The following SLC26A8 variants were observed in gnomAD, a reference collection of about 807,000 sequenced individuals.
SLC26A8 encodes testis anion transporter 1.
SLC26A8 carries 70 observed loss-of-function variants against 105.0 expected under a neutral mutation model. That is an observed-to-expected ratio of 0.67 (90% CI 0.55 to 0.81). The LOEUF (loss-of-function observed/expected upper bound fraction) is 0.81, where lower values mean the gene tolerates loss of function less well. Ranked by LOEUF, SLC26A8 falls within the 40% of genes least tolerant of loss-of-function variation. The pLI is 0.00. For missense variants in SLC26A8, 998 were observed against 1,181.8 expected, an observed-to-expected ratio of 0.84 and a Z score of 2.28; for synonymous variants, 415 against 438.3, an observed-to-expected ratio of 0.95 and a Z score of 0.66.
Position 35,959,771 on chromosome 6 carries a change from G to A in SLC26A8, c.1674C>T (p.Cys558=). 6.2e-7 allele frequency: 1 copy of A among 1,609,156 alleles called. No homozygotes were observed. The highest frequency in any genetic ancestry group is 8.5e-7 in the Non-Finnish European group (1 of 1,178,952). ...CATTTACAAATGTAATTGAGCTGCA[G>A]CACTGGAAGATTTTCACCCCAGGAA... The part of the protein sequence containing the change: ...ITIPGVKIFQ[C]CSSITFVNVY... The change falls in exon 15 of 20, where the codon TGC becomes TGT. Residue 558 remains cysteine (C), a synonymous_variant. Coordinates refer to ENST00000490799, the MANE Select transcript of SLC26A8 (RefSeq NM_052961.4).
rs139103524 is a variant in SLC26A8 at position 35,975,037 on chromosome 6, C to T, written c.1287+338G>A. Among the ~76,000 whole-genome samples, 462 of 152,030 alleles carry T rather than the reference C, an allele frequency of 3.0e-3. 2 individuals are homozygous for T. The highest frequency in any genetic ancestry group is 0.011 in the African/African-American group (436 of 41,460). ...CCTTCTAAAGTGTTGGTATTACAGG[C>T]GTGAGCCACCACACTTGGCCAGTTT... On this transcript the variant is annotated intron_variant, in intron 10 of 19. Coordinates refer to ENST00000490799, the MANE Select transcript of SLC26A8 (RefSeq NM_052961.4).
intron 19 of SLC26A8, among the ~76,000 whole-genome samples, chr6:35,946,338 G>A (rs1771656115): frequency 6.6e-6 from 1 of 152,180 alleles, no homozygotes; most frequent in Non-Finnish European, 1.5e-5. Flanking sequence ...CCAGGTTCAA[G>A]TGATTCTCCT....
rs1269322001 is a variant in SLC26A8 at position 35,955,256 on chromosome 6, T to C, written c.2128A>G (p.Ile710Val). The change falls in exon 17 of 20, where the codon ATC becomes GTC. Residue 710 changes from isoleucine to valine, a missense_variant. Transcript: ENST00000490799. ...VAESQGRRSL[I>V]PYSDASLLPS... The stretch of plus-strand genomic sequence containing the variant: ...AGTAGAGACGCATCTGAGTAAGGGA[T>C]GAGTGATCTCCTCCCCTGGCTTTCC... The C allele has an allele frequency of 6.2e-7, 1 of 1,614,174 alleles. No individual in the cohort carries two copies. Among genetic ancestry groups the C allele is most frequent in the Non-Finnish European group, 8.5e-7 (1 of 1,180,014 alleles).
intron 3 of SLC26A8, among the ~76,000 whole-genome samples, chr6:36,005,867 T>G (rs1217500050): frequency 6.6e-6 from 1 of 152,226 alleles, no homozygotes; most frequent in Non-Finnish European, 1.5e-5. Context: ...GATTTTGTAT[T>G]TTCTTCTTTA....
At chr6:35,964,258 A>G (rs550780684) in intron 11 of SLC26A8, among the ~76,000 whole-genome samples, 1 of 152,298 alleles carries the variant, frequency 6.6e-6, no homozygotes, top group South Asian at 2.1e-4. Flanking sequence ...TGGTTGTTGA[A>G]ATAGGGTGGT....
chr6:35,977,903 G>A (rs144345046), intron 8 of SLC26A8, among the ~76,000 whole-genome samples: 3,317 of 152,050 alleles, frequency 0.022, 132 homozygotes, highest in African/African-American at 0.076. Flanking sequence ...TGGCCAACAT[G>A]GTGAAACCTT....
At chr6:35,949,180 T>A (rs1771772995) in intron 19 of SLC26A8, among the ~76,000 whole-genome samples, 1 of 152,190 alleles carries the variant, frequency 6.6e-6, no homozygotes, top group Admixed American at 6.5e-5. Flanking sequence ...ATGCCTGTAA[T>A]CCCAGCACTT....
intron 7 of SLC26A8, among the ~76,000 whole-genome samples, chr6:35,987,232 A>G (rs1773557165): frequency 6.6e-6 from 1 of 152,230 alleles, no homozygotes; most frequent in Non-Finnish European, 1.5e-5. Flanking sequence ...GTGGCAATGT[A>G]CAAGCCATGA....
intron 2 of SLC26A8, among the ~76,000 whole-genome samples, chr6:36,017,712 C>T (rs974970072): frequency 6.6e-6 from 1 of 152,168 alleles, no homozygotes; most frequent in Non-Finnish European, 1.5e-5. Flanking sequence ...AGTGAAAAGA[C>T]AACCTGCAGA....
chr6:36,017,220 A>AAGAAG (rs57811129), intron 2 of SLC26A8, among the ~76,000 whole-genome samples: 97,971 of 149,660 alleles, frequency 0.65, 32,395 homozygotes, highest in Middle Eastern at 0.74. Context: ...GAGAAAAGAA[A>AAGAAG]AGAAAAGAAA....
intron 7 of SLC26A8, among the ~76,000 whole-genome samples, chr6:35,991,261 C>T (rs1339991107): frequency 2.6e-5 from 4 of 151,832 alleles, no homozygotes; most frequent in Admixed American, 6.6e-5. Flanking sequence ...AAAATTAGCT[C>T]GCCATTGTGG....
chr6:35,998,021 A>C, intron 4 of SLC26A8, 102 bp from the exon 5 acceptor site: 3 of 1,122,026 alleles, frequency 2.7e-6, no homozygotes, highest in Non-Finnish European at 3.8e-6. Flanking sequence ...CCTTCAACTG[A>C]ATAACTTTTC....
intron 16 of SLC26A8, among the ~76,000 whole-genome samples, chr6:35,956,343 G>A (rs921225604): frequency 6.7e-6 from 1 of 149,268 alleles, no homozygotes; most frequent in Non-Finnish European, 1.5e-5. Flanking sequence ...TGAGAGGATC[G>A]CTTGAAGCTG....
In SLC26A8 at chr6:36,024,487, T is replaced by C. The variant is rs548448413; in HGVS notation, c.-3+17A>G. 2.0e-5 allele frequency: 9 copies of C among 448,072 alleles called. No homozygotes were observed. The highest frequency in any genetic ancestry group is 3.1e-5 in the Non-Finnish European group (7 of 224,508). 27.8% of individuals were successfully genotyped at this position (448,072 alleles called of 1,614,324 possible). A position where few individuals can be genotyped will look rare whatever the true frequency, so the allele number is the denominator to read the frequency against. The stretch of plus-strand genomic sequence containing the variant: ...CTGCAGCCCCCGGCGCCCAGGCGTC[T>C]CCCAGCAGCGGCTCACCTGGCTCCT... On this transcript the variant is annotated intron_variant, in intron 1 of 19. Coordinates refer to ENST00000490799, the MANE Select transcript of SLC26A8 (RefSeq NM_052961.4).
rs1057157017 is a variant in SLC26A8 at position 35,998,622 on chromosome 6, T to C, written c.446-703A>G. Among the ~76,000 whole-genome samples, 4 of 151,218 alleles carry C rather than the reference T, an allele frequency of 2.6e-5. No homozygotes were observed. The South Asian group carries it at 8.4e-4, about 32-fold the overall frequency. Reference sequence around the variant, plus strand: ...TCAATAACAATAGGAAGAAAAATAATACTGACACTGAGGTAAATTAAACTT... The same window carrying C: ...TCAATAACAATAGGAAGAAAAATAACACTGACACTGAGGTAAATTAAACTT... On this transcript the variant is annotated intron_variant, in intron 4 of 19. Transcript: ENST00000490799.
intron 4 of SLC26A8, 27 bp downstream of exon 4, chr6:35,999,965 G>T: frequency 7.0e-7 from 1 of 1,425,770 alleles, no homozygotes; most frequent in Non-Finnish European, 9.9e-7. Flanking sequence ...TTCATCCACC[G>T]CATGTGTATT....
intron 7 of SLC26A8, among the ~76,000 whole-genome samples, chr6:35,988,717 A>T (rs970858235): frequency 4.6e-5 from 7 of 152,106 alleles, no homozygotes; most frequent in Non-Finnish European, 7.3e-5. Context: ...TACTAATGAC[A>T]CAGATTAGAA....
Position 35,951,495 on chromosome 6 carries a change from C to A in SLC26A8, c.2237G>T (p.Cys746Phe). Residue 746 changes from cysteine (C) to phenylalanine (F), a missense_variant, in exon 18 of 20, where the codon TGC becomes TTC. Cys to Phe is a radical substitution (Grantham distance 205). Coordinates refer to ENST00000490799, the MANE Select transcript of SLC26A8 (RefSeq NM_052961.4). ...AATGTTGGCGTTTTGAAAGGCATTGCATATCTGTGGGGGGAGAGAAAACCA... is the reference window on the plus strand; with the variant it reads ...AATGTTGGCGTTTTGAAAGGCATTGAATATCTGTGGGGGGAGAGAAAACCA... ...SRGLVVLRQI[C>F]NAFQNANILI... 6.2e-7 allele frequency: 1 copy of A among 1,614,094 alleles called. No homozygotes were observed. Among genetic ancestry groups the A allele is most frequent in the Non-Finnish European group, 8.5e-7 (1 of 1,180,032 alleles).
chr6:35,955,092 G>T (rs753806560), intron 17 of SLC26A8, 60 bp downstream of exon 17: 20 of 1,603,468 alleles, frequency 1.2e-5, no homozygotes, highest in Non-Finnish European at 1.7e-5. Context: ...CAGGATCAGG[G>T]TGGGGTTGGG....
Sources: gnomAD v4.1 joint callset for allele counts (sites outside exome capture counted in the v4.1 genomes callset) on GRCh38, gnomAD v4.1.1 for gene constraint, MANE v1.5 for transcripts, NCBI Gene and HGNC (gene_info 2026-07-23, HGNC 2026-07-21) for gene names.